Variants in GPHN observed in about 807,000 individuals in gnomAD.
GPHN encodes gephyrin.
GPHN carries 17 observed loss-of-function variants against 95.5 expected under a neutral mutation model. That is an observed-to-expected ratio of 0.18 (90% CI 0.12 to 0.27). GPHN has a LOEUF of 0.27. GPHN is among the 10% of genes least tolerant of loss of function. GPHN has a pLI of 1.00. For missense variants in GPHN, 660 were observed against 978.1 expected (o/e 0.67, Z 4.34); for synonymous variants, 320 against 322.5 (o/e 0.99, Z 0.08).
Position 67,023,122 on chromosome 14 carries a change from G to A in GPHN, c.964-511G>A, listed in dbSNP as rs142967121. ...AGAATCAAATGTAAATGTTATATAA[G>A]GATCAATAAGTAACAGGTTATCAGA... On this transcript the variant is annotated intron_variant, in intron 9 of 22. Transcript: ENST00000478722. Among the ~76,000 whole-genome samples the A allele has an allele frequency of 3.0e-3, 454 of 151,814 alleles. 3 individuals are homozygous for A. Among genetic ancestry groups the A allele is most frequent in the African/African-American group, 0.011 (436 of 41,440 alleles).
the GPHN span, chr14:67,312,730 A>T: frequency 6.5e-7 from 1 of 1,529,650 alleles, no homozygotes. Flanking sequence ...AATATGGTAG[A>T]AAGTACATAA....
chr14:67,501,737 T>C, the GPHN span, among the ~76,000 whole-genome samples: 13 of 152,132 alleles, frequency 8.5e-5, no homozygotes, highest in Admixed American at 2.6e-4. Context: ...AAGTCCCCTA[T>C]CTAAGAGCCT....
At chr14:67,686,178 T>G in the GPHN span, 2 of 152,232 alleles carry the variant, frequency 1.3e-5, no homozygotes, top group African/African-American at 4.8e-5. Context: ...GTAGACAGAC[T>G]GCCCAGTTTC....
the GPHN span, chr14:67,657,080 T>C: frequency 6.6e-6 from 1 of 152,470 alleles, no homozygotes; most frequent in Non-Finnish European, 1.5e-5. Flanking sequence ...GGACCATGAA[T>C]AAGCTATTCT....
intron 5 of GPHN, among the ~76,000 whole-genome samples, chr14:66,915,499 C>G (rs2065857993): frequency 6.6e-6 from 1 of 152,142 alleles, no homozygotes; most frequent in Admixed American, 6.6e-5. Flanking sequence ...ATCAGTGGGT[C>G]TATTAATGAA....
At chr14:67,713,054 A>G in the GPHN span, among the ~76,000 whole-genome samples, 5 of 152,162 alleles carry the variant, frequency 3.3e-5, no homozygotes, top group Admixed American at 6.5e-5. Context: ...CAGGAAAAAG[A>G]CTGAAACAAC....
chr14:67,551,552 C>T, the GPHN span, among the ~76,000 whole-genome samples: 1 of 152,044 alleles, frequency 6.6e-6, no homozygotes. Flanking sequence ...CAGTGAGGTT[C>T]CACTGCCTTA....
the GPHN span, among the ~76,000 whole-genome samples, chr14:67,532,894 C>T: frequency 1.3e-5 from 2 of 151,592 alleles, no homozygotes; most frequent in South Asian, 2.1e-4. Flanking sequence ...GAGGGTCCCC[C>T]GCTATTTGGG....
chr14:66,775,353 T>C (rs1158019783), intron 2 of GPHN, among the ~76,000 whole-genome samples: 1 of 152,128 alleles, frequency 6.6e-6, no homozygotes, highest in African/African-American at 2.4e-5. Flanking sequence ...ACAAAGGCAG[T>C]TAGGTAATTT....
chr14:67,514,674 C>G, the GPHN span, among the ~76,000 whole-genome samples: 1 of 152,176 alleles, frequency 6.6e-6, no homozygotes, highest in East Asian at 1.9e-4. Context: ...GACTGTCACC[C>G]CCCTCCACCC....
chr14:67,667,935 C>T, the GPHN span, among the ~76,000 whole-genome samples: 1 of 152,082 alleles, frequency 6.6e-6, no homozygotes, highest in African/African-American at 2.4e-5. Flanking sequence ...AAGAGCAACA[C>T]TCCATCTCAA....
chr14:67,327,646 C>A, the GPHN span, among the ~76,000 whole-genome samples: 4 of 152,054 alleles, frequency 2.6e-5, no homozygotes, highest in African/African-American at 4.8e-5. Context: ...CCTCTCCCCC[C>A]ACCCCACAAC....
intron 9 of GPHN, among the ~76,000 whole-genome samples, chr14:66,981,953 C>G (rs2070711259): frequency 6.6e-6 from 1 of 152,066 alleles, no homozygotes; most frequent in Non-Finnish European, 1.5e-5. Context: ...AAGAAACACA[C>G]AAAATATACA....
chr14:67,635,731 T>G, the GPHN span, among the ~76,000 whole-genome samples: 1 of 152,088 alleles, frequency 6.6e-6, no homozygotes, highest in Non-Finnish European at 1.5e-5. Flanking sequence ...CAGGCACCTG[T>G]AATACCAGCT....
the GPHN span, chr14:67,600,269 G>T: frequency 2.2e-6 from 3 of 1,350,034 alleles, no homozygotes; most frequent in African/African-American, 1.5e-5. Flanking sequence ...TGGCCGTCTC[G>T]CCCGCTCCAG....
At chr14:67,600,620 T>C in the GPHN span, among the ~76,000 whole-genome samples, 1 of 152,006 alleles carries the variant, frequency 6.6e-6, no homozygotes, top group African/African-American at 2.4e-5. Flanking sequence ...ACAGTTTGTT[T>C]TTGTTTTGAG....
chr14:67,569,265 G>A, the GPHN span: 1 of 1,398,442 alleles, frequency 7.2e-7, no homozygotes. Flanking sequence ...AGGTGGGCAG[G>A]GTGGGCAAGC....
At chr14:67,689,676 G>A in the GPHN span, among the ~76,000 whole-genome samples, 1 of 152,172 alleles carries the variant, frequency 6.6e-6, no homozygotes, top group South Asian at 2.1e-4. Flanking sequence ...AGGTGCGGTG[G>A]CTCACACCTA....
At chr14:66,994,410 T>TA (rs1484150097) in intron 9 of GPHN, among the ~76,000 whole-genome samples, 5 of 151,594 alleles carry the variant, frequency 3.3e-5, no homozygotes, top group Non-Finnish European at 5.9e-5. Flanking sequence ...TCCTGTGCTT[T>TA]AAACAAAAAA....
Sources: gnomAD v4.1 joint callset for allele counts (sites outside exome capture counted in the v4.1 genomes callset) on GRCh38, gnomAD v4.1.1 for gene constraint, MANE v1.5 for transcripts, NCBI Gene and HGNC (gene_info 2026-07-23, HGNC 2026-07-21) for gene names.